The following ZC3H12A variants were observed in gnomAD, a reference collection of about 807,000 sequenced individuals.
ZC3H12A encodes endoribonuclease ZC3H12A.
Under a neutral mutation model 29.9 loss-of-function variants are expected in ZC3H12A, and 9 were observed. That is an observed-to-expected ratio of 0.30 (90% CI 0.18 to 0.53). ZC3H12A has a LOEUF of 0.53. ZC3H12A is among the 20% of genes least tolerant of loss of function. ZC3H12A has a pLI of 0.96. For synonymous variants in ZC3H12A, 323 were observed against 338.1 expected, an observed-to-expected ratio of 0.96 and a Z score of 0.49; for missense variants, 617 against 799.0, an observed-to-expected ratio of 0.77 and a Z score of 2.75.
At position 37,482,978 on chromosome 1, in the gene ZC3H12A, C is replaced by G. The variant is rs1641743594; in HGVS notation, c.1167C>G (p.Ser389=). The change falls in exon 6 of 6, where the codon TCC becomes TCG. Residue 389 remains serine, a synonymous_variant. Coordinates refer to ENST00000373087, the MANE Select transcript of ZC3H12A (RefSeq NM_025079.3). ...TGGGGGCCCAGGCATCCCCAGGGTC[C>G]CGCCAAGAGGGTCTAACACAGACCT... ...KKLGAQASPG[S]RQEGLTQTYA... The G allele has an allele frequency of 2.5e-6, 4 of 1,611,792 alleles. No individual in the cohort carries two copies. Among genetic ancestry groups the G allele is most frequent in the African/African-American group, 2.7e-5 (2 of 74,994 alleles).
chr1:37,481,723 T>C lies in ZC3H12A; in HGVS notation c.706T>C (p.Ser236Pro). 1 of 1,614,096 alleles carries C rather than the reference T, an allele frequency of 6.2e-7. No homozygotes were observed. Among genetic ancestry groups the C allele is most frequent in the Non-Finnish European group, 8.5e-7 (1 of 1,180,006 alleles). ...DRFIVKLAYE[S>P]DGIVVSNDTY... The stretch of plus-strand genomic sequence containing the variant: ...ATTCATTGTGAAGCTGGCCTACGAG[T>C]CTGACGGGATCGTGGTTTCCAACGA... The change falls in exon 4 of 6, where the codon TCT (serine) becomes CCT (proline). Residue 236 changes from serine to proline, a missense_variant. Around this residue, in one of 5 missense-constraint regions of ZC3H12A, gnomAD observed 255 missense variants for 402.5 expected, o/e 0.63. Transcript: ENST00000373087.
intron 5 of ZC3H12A, 25 bp from the exon 6 acceptor site, chr1:37,482,712 G>C (rs1340554111): frequency 1.2e-6 from 2 of 1,613,078 alleles, no homozygotes; most frequent in Admixed American, 1.7e-5. Context: ...CCCCTGCTTA[G>C]AGTCCCTCTT....
Position 37,482,902 on chromosome 1 carries a change from C to T in ZC3H12A, c.1091C>T (p.Ser364Phe). 2 of 1,613,850 alleles carry T rather than the reference C, an allele frequency of 1.2e-6. No individual in the cohort carries two copies. Among genetic ancestry groups the T allele is most frequent in the African/African-American group, 1.3e-5 (1 of 75,066 alleles). ...NGRRPSPSSQSSSLLTESEQC... is the reference protein window; with the variant it reads ...NGRRPSPSSQFSSLLTESEQC... ...CGGCGGCCTTCACCTTCATCCCAGT[C>T]CAGCTCTCTGCTAACAGAGAGTGAG... Residue 364 changes from serine (S) to phenylalanine (F), a missense_variant, in exon 6 of 6, where the codon TCC (serine) becomes TTC (phenylalanine). Ser to Phe is a radical substitution (Grantham distance 155). Transcript: ENST00000373087.
In ZC3H12A at chr1:37,478,768, C is replaced by T. The variant is rs993649737; in HGVS notation, c.444-1522C>T. The T allele has an allele frequency of 1.1e-6, 1 of 877,850 alleles. No individual in the cohort carries two copies. The highest frequency in any genetic ancestry group is 1.4e-6 in the Non-Finnish European group (1 of 731,642). The allele number at this position is 877,850 out of a possible 1,614,324, so 54.4% of individuals were successfully genotyped here. On this transcript the variant is annotated intron_variant, in intron 2 of 5. Transcript: ENST00000373087. This position sits in a 1 kb window ranked among gnomAD's most constrained non-coding sequence, Gnocchi z 5.2. ...GGAGTTGATGATGGTATAGTGCCCT[C>T]CTCACAAGCTTGCTGATGATTCAGT...
chr1:37,482,591 C>T, intron 5 of ZC3H12A, 51 bp downstream of exon 5: 2 of 1,610,130 alleles, frequency 1.2e-6, no homozygotes, highest in Non-Finnish European at 1.7e-6. Context: ...TGCCCTTCCT[C>T]TCACCTGTCT....
At chr1:37,477,483 A>AC (rs201434807) in intron 2 of ZC3H12A, among the ~76,000 whole-genome samples, 3 of 151,146 alleles carry the variant, frequency 2.0e-5, no homozygotes, top group East Asian at 3.9e-4. Context: ...CTGCCCGGCC[A>AC]CCCCCCCTCC....
intron 2 of ZC3H12A, among the ~76,000 whole-genome samples, chr1:37,477,840 C>T (rs1256296153): frequency 1.3e-5 from 2 of 152,178 alleles, no homozygotes; most frequent in African/African-American, 4.8e-5. Context: ...GCACTCCAGG[C>T]CTCATGTGCT....
chr1:37,482,588 C>A, intron 5 of ZC3H12A, 48 bp downstream of exon 5: 1 of 1,609,832 alleles, frequency 6.2e-7, no homozygotes, highest in Non-Finnish European at 8.5e-7. Context: ...TCCTGCCCTT[C>A]CTCTCACCTG....
Position 37,482,539 on chromosome 1 carries a change from T to C in ZC3H12A, c.924T>C (p.Tyr308=), listed in dbSNP as rs145414868. The C allele has an allele frequency of 6.1e-5, 98 of 1,614,104 alleles. 1 individual carries two copies. In the African/African-American group the frequency reaches 9.7e-4, roughly 16 times the overall value. ...TLEHRKQPCP[Y]GRKCTYGIKC... ...AGCACAGGAAGCAGCCGTGTCCCTATGGTATGGAACCCAGCCTGCCCTCCC... is the reference window on the plus strand; with the variant it reads ...AGCACAGGAAGCAGCCGTGTCCCTACGGTATGGAACCCAGCCTGCCCTCCC... The change falls in exon 5 of 6, where the codon TAT becomes TAC. Residue 308 remains tyrosine, a splice_region_variant and synonymous_variant. Transcript: ENST00000373087.
In ZC3H12A at chr1:37,478,963, GC is replaced by G; in HGVS notation, c.444-1322del. On this transcript the variant is annotated intron_variant, in intron 2 of 5. Transcript: ENST00000373087. The surrounding 1 kb of genome is among the most constrained non-coding windows in gnomAD (Gnocchi z 5.2). ...CTTCAGACCCTGGTGCCCCAGTCTT[GC>G]CCCCAAATAGCCTCCATGGCCCCCA... 1.0e-6 allele frequency: 1 copy of G among 984,948 alleles called. No individual in the cohort carries two copies. The allele number at this position is 984,948 out of a possible 1,614,324, so 61.0% of individuals were successfully genotyped here.
Position 37,478,018 on chromosome 1 carries a change from C to T in ZC3H12A, c.443+2079C>T, listed in dbSNP as rs1404203948. ...CCTGGCATCCCATTAGTTCCCAGTGCTCCAAGATACTAGCCTAGGATCATG... is the reference window on the plus strand; with the variant it reads ...CCTGGCATCCCATTAGTTCCCAGTGTTCCAAGATACTAGCCTAGGATCATG... On this transcript the variant is annotated intron_variant, in intron 2 of 5. Transcript: ENST00000373087. This position sits in a 1 kb window ranked among gnomAD's most constrained non-coding sequence, Gnocchi z 5.2. 2.0e-5 allele frequency among the ~76,000 whole-genome samples: 3 copies of T among 152,218 alleles called. No homozygotes were observed. Among genetic ancestry groups the T allele is most frequent in the East Asian group, 3.8e-4 (2 of 5,200 alleles).
At position 37,483,086 on chromosome 1, in the gene ZC3H12A, G is replaced by A. The variant is rs1473411000; in HGVS notation, c.1275G>A (p.Leu425=). The change falls in exon 6 of 6, where the codon CTG becomes CTA. Residue 425 remains leucine (L), a synonymous_variant. Coordinates refer to ENST00000373087, the MANE Select transcript of ZC3H12A (RefSeq NM_025079.3). ...FGPTDWLPQT[L]DSLPYVSQDC... The stretch of plus-strand genomic sequence containing the variant: ...CCACAGACTGGCTCCCACAGACGCT[G>A]GACTCACTCCCGTACGTCTCCCAGG... The A allele has an allele frequency of 6.2e-7, 1 of 1,611,896 alleles. No individual in the cohort carries two copies. The highest frequency in any genetic ancestry group is 1.1e-5 in the South Asian group (1 of 90,904).
rs533661619 is a variant in ZC3H12A, at chr1:37,480,219, T to C, written c.444-71T>C. On this transcript the variant is annotated intron_variant, in intron 2 of 5. Coordinates refer to ENST00000373087, the MANE Select transcript of ZC3H12A (RefSeq NM_025079.3). ...CAGGGGTGGGGTGTGACCACCTCCC[T>C]CCTCCTGCTCAGGCCTAGGGGGTGG... 4.7e-4 allele frequency: 737 copies of C among 1,556,532 alleles called. 3 individuals are homozygous for C. The African/African-American group carries it at 7.7e-3, about 16-fold the overall frequency.
Position 37,482,921 on chromosome 1 carries a change from G to C in ZC3H12A, c.1110G>C (p.Glu370Asp), listed in dbSNP as rs150553516. Reference sequence around the variant, plus strand: ...CCCAGTCCAGCTCTCTGCTAACAGAGAGTGAGCAGTGCAGCCTGGATGGGA... The same window carrying C: ...CCCAGTCCAGCTCTCTGCTAACAGACAGTGAGCAGTGCAGCCTGGATGGGA... ...PSSQSSSLLT[E>D]SEQCSLDGKK... is the part of the protein sequence containing the mutation. Residue 370 changes from glutamate (E) to aspartate (D), a missense_variant, in exon 6 of 6, where the codon GAG becomes GAC. By Grantham distance (45) the Glu-to-Asp change is conservative (BLOSUM62 2). Transcript: ENST00000373087. 7.4e-6 allele frequency: 12 copies of C among 1,613,736 alleles called. No individual in the cohort carries two copies. The highest frequency in any genetic ancestry group is 2.2e-5 in the East Asian group (1 of 44,876).
At position 37,483,221 on chromosome 1, in the gene ZC3H12A, C is replaced by A; in HGVS notation, c.1410C>A (p.Gly470=). 1 of 1,613,706 alleles carries A rather than the reference C, an allele frequency of 6.2e-7. No homozygotes were observed. The highest frequency in any genetic ancestry group is 8.5e-7 in the Non-Finnish European group (1 of 1,179,936). Residue 470 remains glycine (G), a synonymous_variant, in exon 6 of 6, where the codon GGC becomes GGA. Coordinates refer to ENST00000373087, the MANE Select transcript of ZC3H12A (RefSeq NM_025079.3). ...GCCCACCCCGAGCCCCTTACACGGG[C>A]TACAGTCCCTATGGATCTGAGCTCC... ...EPGPPRAPYT[G]YSPYGSELPA...
Position 37,479,862 on chromosome 1 carries a change from TC to T in ZC3H12A, c.444-425del. ...TGCATGTGTACATCTGTCCCTGTGG[TC>T]CCGGCAGCTCGCCGGGTGGGGCAGG... On this transcript the variant is annotated intron_variant, in intron 2 of 5. Transcript: ENST00000373087. The surrounding 1 kb of genome is among the most constrained non-coding windows in gnomAD (Gnocchi z 4.5). 1 of 1,005,768 alleles carries T rather than the reference TC, an allele frequency of 9.9e-7. No individual in the cohort carries two copies. Among genetic ancestry groups the T allele is most frequent in the Non-Finnish European group, 1.2e-6 (1 of 841,546 alleles). The allele number at this position is 1,005,768 out of a possible 1,614,324, so 62.3% of individuals were successfully genotyped here. A position where few individuals can be genotyped will look rare whatever the true frequency, so the allele number is the denominator to read the frequency against.
intron 3 of ZC3H12A, 42 bp downstream of exon 3, chr1:37,480,471 G>A (rs779734337): frequency 1.3e-6 from 2 of 1,591,954 alleles, no homozygotes; most frequent in Admixed American, 3.4e-5. Context: ...TACTGCCCCA[G>A]CAGCCCTGGT....
Position 37,481,821 on chromosome 1 carries a change from C to G in ZC3H12A, c.804C>G (p.Ser268=). The change falls in exon 4 of 6, where the codon TCC becomes TCG. Residue 268 remains serine (S), a synonymous_variant. Coordinates refer to ENST00000373087, the MANE Select transcript of ZC3H12A (RefSeq NM_025079.3). ...RFIEERLLMY[S]FVNDKFMPPD... is the part of the protein sequence containing the mutation. ...TCGAGGAGCGGCTGCTCATGTACTC[C>G]TTCGTCAATGACAAGTATGTTCCCT... 6.2e-7 allele frequency: 1 copy of G among 1,613,940 alleles called. No individual in the cohort carries two copies. Among genetic ancestry groups the G allele is most frequent in the Non-Finnish European group, 8.5e-7 (1 of 1,179,918 alleles).
chr1:37,477,053 C>T (rs527827669), intron 2 of ZC3H12A, among the ~76,000 whole-genome samples: 2 of 152,326 alleles, frequency 1.3e-5, no homozygotes, highest in South Asian at 2.1e-4. Context: ...TTCCCTCCTT[C>T]TGTCACCTTC....
Sources: gnomAD v4.1 joint callset for allele counts (sites outside exome capture counted in the v4.1 genomes callset) on GRCh38, gnomAD v4.1.1 for gene constraint, gnomAD v4.1.1 regional missense constraint, Gnocchi (gnomAD v3.1) non-coding constraint, MANE v1.5 for transcripts, NCBI Gene and HGNC (gene_info 2026-07-23, HGNC 2026-07-21) for gene names.